Variants in ATL2 observed in about 807,000 individuals in gnomAD.
The protein encoded by ATL2 is atlastin-2.
A neutral mutation model predicts 73.9 loss-of-function variants in ATL2; 31 were observed. The ratio of observed to expected loss-of-function variants is 0.42; its 90% confidence interval spans 0.32 to 0.57. The LOEUF (loss-of-function observed/expected upper bound fraction) is 0.57, where lower values mean the gene tolerates loss of function less well. Among genes scored for constraint, ATL2 ranks in the 20% least tolerant of loss-of-function variants. ATL2 has a pLI of 0.14. For synonymous variants in ATL2, 291 were observed against 237.5 expected (o/e 1.23, Z -2.07); for missense variants, 738 against 702.6 (o/e 1.05, Z -0.57).
intron 2 of ATL2, among the ~76,000 whole-genome samples, chr2:38,320,254 A>AT (rs1339547952): frequency 1.3e-5 from 2 of 152,246 alleles, no homozygotes; most frequent in Admixed American, 1.3e-4. Flanking sequence ...ATGGTGTTAA[A>AT]TTAGGGTAAG....
Position 38,344,853 on chromosome 2 carries a change from C to A in ATL2, c.119-1341G>T, listed in dbSNP as rs181029786. On this transcript the variant is annotated intron_variant, in intron 1 of 12. Transcript: ENST00000378954. ...CATCTCCCACTGGAGCTCTTTCTCA[C>A]CAAACACTACAGCTGTTATAGCTCC... 1.6e-3 allele frequency among the ~76,000 whole-genome samples: 246 copies of A among 152,290 alleles called. 3 individuals are homozygous for A. The highest frequency in any genetic ancestry group is 5.8e-3 in the African/African-American group (239 of 41,556).
chr2:38,327,746 G>C (rs549421149), intron 2 of ATL2, among the ~76,000 whole-genome samples: 71 of 152,228 alleles, frequency 4.7e-4, no homozygotes, highest in Non-Finnish European at 9.0e-4. Context: ...GATCAGTCTG[G>C]CCAACATGGG....
intron 1 of ATL2, among the ~76,000 whole-genome samples, chr2:38,368,837 T>C (rs1182212284): frequency 1.3e-5 from 2 of 152,146 alleles, no homozygotes; most frequent in Non-Finnish European, 2.9e-5. Context: ...ACGCCTGTAA[T>C]CCCAGCACTG....
At chr2:38,371,833 A>T (rs1235141259) in intron 1 of ATL2, among the ~76,000 whole-genome samples, 1 of 151,716 alleles carries the variant, frequency 6.6e-6, no homozygotes, top group Non-Finnish European at 1.5e-5. Context: ...CGAGGTGGAG[A>T]TTGCAGTGAG....
At chr2:38,354,194 C>CAAAAAAAAAAAAAAAA (rs1208475028) in intron 1 of ATL2, 3 of 414,198 alleles carry the variant, frequency 7.2e-6, no homozygotes, top group Admixed American at 5.3e-5. Flanking sequence ...CAAAAAAAAG[C>CAAAAAAAAAAAAAAAA]AAAGAGTATC....
At chr2:38,307,616 T>C (rs1402256295) in intron 9 of ATL2, among the ~76,000 whole-genome samples, 2 of 151,996 alleles carry the variant, frequency 1.3e-5, no homozygotes, top group Non-Finnish European at 2.9e-5. Flanking sequence ...AATAAACGAA[T>C]GGGATCATAT....
chr2:38,366,981 A>G lies in ATL2; in HGVS notation c.118+10162T>C, dbSNP rs573861291. Among the ~76,000 whole-genome samples, 3 of 152,168 alleles carry G rather than the reference A, an allele frequency of 2.0e-5. No individual in the cohort carries two copies. In the South Asian group the frequency reaches 6.2e-4, roughly 32 times the overall value. ...TTTGTGCACTTAGTACATGCCAAAC[A>G]CTTTAAGACATTATCTTTATTACTA... On this transcript the variant is annotated intron_variant, in intron 1 of 12. Coordinates refer to ENST00000378954, the MANE Select transcript of ATL2 (RefSeq NM_001135673.4).
intron 1 of ATL2, among the ~76,000 whole-genome samples, chr2:38,346,763 G>A (rs931256054): frequency 8.5e-5 from 13 of 152,130 alleles, no homozygotes; most frequent in African/African-American, 2.7e-4. Flanking sequence ...CTTGCTGTGC[G>A]GCCCAGTTCC....
chr2:38,315,476 T>G, intron 4 of ATL2, 142 bp from the exon 5 acceptor site: 1 of 820,726 alleles, frequency 1.2e-6, no homozygotes, highest in East Asian at 3.7e-5. Context: ...ACAACTGACA[T>G]GTGAAAAGGA....
chr2:38,364,695 CAGA>C (rs1671204685), intron 1 of ATL2, among the ~76,000 whole-genome samples: 1 of 152,190 alleles, frequency 6.6e-6, no homozygotes, highest in Non-Finnish European at 1.5e-5. Flanking sequence ...ATCGAAAACA[CAGA>C]AGGTTTCCTT....
At chr2:38,366,915 C>G (rs988269695) in intron 1 of ATL2, among the ~76,000 whole-genome samples, 3 of 152,178 alleles carry the variant, frequency 2.0e-5, no homozygotes, top group South Asian at 2.1e-4. Flanking sequence ...AAACTAACCC[C>G]AGCCCCTTCA....
At chr2:38,318,813 T>A (rs1668167657) in intron 3 of ATL2, 72 bp downstream of exon 3, 1 of 1,515,718 alleles carries the variant, frequency 6.6e-7, no homozygotes, top group Non-Finnish European at 9.0e-7. Context: ...AGTTCTGTGT[T>A]GTTTTGATTT....
chr2:38,356,606 AACTT>A (rs1363942166), intron 1 of ATL2, among the ~76,000 whole-genome samples: 1 of 152,234 alleles, frequency 6.6e-6, no homozygotes, highest in African/African-American at 2.4e-5. Flanking sequence ...AATTTCATAA[AACTT>A]ACAACTGAAA....
intron 2 of ATL2, among the ~76,000 whole-genome samples, chr2:38,336,198 A>G (rs1669347890): frequency 6.6e-6 from 1 of 152,244 alleles, no homozygotes; most frequent in African/African-American, 2.4e-5. Context: ...AGAGGAAGGT[A>G]AAATCAAGTT....
intron 7 of ATL2, among the ~76,000 whole-genome samples, chr2:38,312,130 A>C (rs1235733537): frequency 6.6e-6 from 1 of 152,196 alleles, no homozygotes; most frequent in Non-Finnish European, 1.5e-5. Context: ...CTAATGAATA[A>C]AGGGGTCTTT....
At chr2:38,311,427 G>A (rs1008686727) in intron 7 of ATL2, among the ~76,000 whole-genome samples, 2 of 103,022 alleles carry the variant, frequency 1.9e-5, no homozygotes, top group Admixed American at 1.9e-4. Flanking sequence ...CAAAATATGC[G>A]CTATTTATAA....
intron 9 of ATL2, among the ~76,000 whole-genome samples, chr2:38,305,497 C>T (rs921647598): frequency 2.0e-5 from 3 of 151,950 alleles, no homozygotes; most frequent in Non-Finnish European, 4.4e-5. Flanking sequence ...TGCAGTGAGC[C>T]GAGACTGCTC....
At position 38,347,756 on chromosome 2, in the gene ATL2, T is replaced by C. The variant is rs370798852; in HGVS notation, c.119-4244A>G. Reference sequence around the variant, plus strand: ...AAGCATTTTACTCAGGAGTCTTACATCTGCCCTTACCTTTTTTTTTTTTTT... The same window carrying C: ...AAGCATTTTACTCAGGAGTCTTACACCTGCCCTTACCTTTTTTTTTTTTTT... On this transcript the variant is annotated intron_variant, in intron 1 of 12. Transcript: ENST00000378954. Among the ~76,000 whole-genome samples the C allele has an allele frequency of 2.1e-4, 31 of 150,374 alleles. No homozygotes were observed. In the South Asian group the frequency reaches 6.1e-3, roughly 30 times the overall value.
In ATL2 at chr2:38,302,658, AC is replaced by A. The variant is rs367900071; in HGVS notation, c.1072-2331del. Among the ~76,000 whole-genome samples, 315 of 152,326 alleles carry A rather than the reference AC, an allele frequency of 2.1e-3. 2 individuals carry two copies. The highest frequency in any genetic ancestry group is 7.0e-3 in the African/African-American group (293 of 41,582). ...GTTTGGGAGAATGTAATGGAAGAGA[AC>A]AAGAGTCTCTGCCTGGTAATCCAGG... On this transcript the variant is annotated intron_variant, in intron 9 of 12. Transcript: ENST00000378954.
Sources: gnomAD v4.1 joint callset for allele counts (sites outside exome capture counted in the v4.1 genomes callset) on GRCh38, gnomAD v4.1.1 for gene constraint, MANE v1.5 for transcripts, NCBI Gene and HGNC (gene_info 2026-07-23, HGNC 2026-07-21) for gene names.